BICD2: variants seen among roughly 807,000 people sequenced by gnomAD.
BICD2 encodes the protein protein bicaudal D homolog 2.
A neutral mutation model predicts 72.9 loss-of-function variants in BICD2; 25 were observed. The observed-to-expected ratio is 0.34, with a 90% CI of 0.25 to 0.48. The LOEUF is 0.48. Among genes scored for constraint, BICD2 ranks in the 20% least tolerant of loss-of-function variants. The probability of loss-of-function intolerance (pLI) is 0.99; values close to 1 mark genes in which losing one functional copy is unlikely to be tolerated. For synonymous variants in BICD2, 501 were observed against 516.1 expected, an observed-to-expected ratio of 0.97 and a Z score of 0.40; for missense variants, 894 against 1,175.2, an observed-to-expected ratio of 0.76 and a Z score of 3.50.
intron 1 of BICD2, among the ~76,000 whole-genome samples, chr9:92,759,997 C>T (rs189023400): frequency 1.2e-4 from 19 of 152,322 alleles, no homozygotes; most frequent in African/African-American, 4.6e-4. Context: ...GACACCACTC[C>T]CTGACCTTGG....
chr9:92,731,089 G>A (rs952067674), intron 1 of BICD2, among the ~76,000 whole-genome samples: 4 of 152,178 alleles, frequency 2.6e-5, no homozygotes, highest in African/African-American at 9.7e-5. Context: ...GTGGCAGCCA[G>A]GCCCCAAGTC....
At position 92,716,498 on chromosome 9, in the gene BICD2, G is replaced by A. The variant is rs1001780024; in HGVS notation, c.2259-1035C>T. Among the ~76,000 whole-genome samples the A allele has an allele frequency of 1.4e-3, 211 of 150,520 alleles. 2 individuals are homozygous for A. Among genetic ancestry groups the A allele is most frequent in the Non-Finnish European group, 3.7e-4 (25 of 67,628 alleles). The stretch of plus-strand genomic sequence containing the variant: ...GGATACTGAGAAACTGGGAGTGCAC[G>A]GCACCAGGCTTGAGAGAAGCAGGCC... On this transcript the variant is annotated intron_variant, in intron 6 of 6. Coordinates refer to ENST00000356884, the MANE Select transcript of BICD2 (RefSeq NM_001003800.2).
In BICD2 at chr9:92,720,500, C is replaced by T. The variant is rs1306070294; in HGVS notation, c.862G>A (p.Asp288Asn). Residue 288 changes from aspartate to asparagine, a missense_variant, in exon 4 of 7, where the codon GAT becomes AAT. By Grantham distance (23) the Asp-to-Asn change is conservative. Around this residue, in one of 5 missense-constraint regions of BICD2, gnomAD observed 371 missense variants for 439.1 expected, o/e 0.84. Transcript: ENST00000356884. The surrounding 1 kb of genome is among the most constrained non-coding windows in gnomAD (Gnocchi z 5.4). ...VSLDGLKFSD[D>N]AAEPNNDAEA... ...GCATCGTTGTTGGGCTCGGCAGCAT[C>T]GTCACTGAACTTGAGGCCATCCAGC... 1 of 1,614,194 alleles carries T rather than the reference C, an allele frequency of 6.2e-7. No homozygotes were observed. The highest frequency in any genetic ancestry group is 8.5e-7 in the Non-Finnish European group (1 of 1,180,038).
rs1360499481 is a variant in BICD2, at chr9:92,715,120, G to T, written c.*34C>A. 2.6e-6 allele frequency: 4 copies of T among 1,537,660 alleles called. No individual in the cohort carries two copies. Among genetic ancestry groups the T allele is most frequent in the Non-Finnish European group, 3.5e-6 (4 of 1,138,744 alleles). On this transcript the variant is annotated 3_prime_UTR_variant, in exon 7 of 7. Transcript: ENST00000356884. ...CTGCTGGGTTAGTTGAGGTGAAGCA[G>T]ATGTTAGCTGCAGCGTGCGGCGCCC...
At position 92,720,232 on chromosome 9, in the gene BICD2, G is replaced by A; in HGVS notation, c.1062+68C>T. ...TTAACATCAGCAGAGTGTCAGGTAA[G>A]CACTGCTCGGGGAGCCCTGCAGACC... On this transcript the variant is annotated intron_variant, in intron 4 of 6. Coordinates refer to ENST00000356884, the MANE Select transcript of BICD2 (RefSeq NM_001003800.2). This position sits in a 1 kb window ranked among gnomAD's most constrained non-coding sequence, Gnocchi z 5.4. The A allele has an allele frequency of 7.0e-7, 1 of 1,435,628 alleles. No homozygotes were observed. The highest frequency in any genetic ancestry group is 9.4e-7 in the Non-Finnish European group (1 of 1,061,502). 88.9% of individuals were successfully genotyped at this position (1,435,628 alleles called of 1,614,324 possible). A position where few individuals can be genotyped will look rare whatever the true frequency, so the allele number is the denominator to read the frequency against.
chr9:92,736,050 C>T (rs1440899841), intron 1 of BICD2, among the ~76,000 whole-genome samples: 2 of 152,198 alleles, frequency 1.3e-5, no homozygotes, highest in African/African-American at 4.8e-5. Context: ...TGAATAGGGA[C>T]TGGGTAAAAT....
rs1487353185 is a variant in BICD2 at position 92,764,417 on chromosome 9, A to G, written c.240+88T>C. On this transcript the variant is annotated intron_variant, in intron 1 of 6. Transcript: ENST00000356884. This position sits in a 1 kb window ranked among gnomAD's most constrained non-coding sequence, Gnocchi z 5.5. ...CACCCCTGCCGGCCCCCGCTTGGCA[A>G]GCTGACCTTGGCCGCCCTGGTGCCA... 1 of 1,365,070 alleles carries G rather than the reference A, an allele frequency of 7.3e-7. No homozygotes were observed. The highest frequency in any genetic ancestry group is 1.5e-5 in the African/African-American group (1 of 65,068). 84.6% of individuals were successfully genotyped at this position (1,365,070 alleles called of 1,614,324 possible). A position where few individuals can be genotyped will look rare whatever the true frequency, so the allele number is the denominator to read the frequency against.
intron 1 of BICD2, among the ~76,000 whole-genome samples, chr9:92,752,298 C>A (rs777310887): frequency 1.4e-4 from 21 of 150,646 alleles, no homozygotes; most frequent in Non-Finnish European, 2.8e-4. Context: ...GATAAGCCTG[C>A]AACATCTTGT....
chr9:92,718,432 G>C (rs1313197007), intron 5 of BICD2, 107 bp downstream of exon 5: 23 of 1,339,266 alleles, frequency 1.7e-5, no homozygotes, highest in Non-Finnish European at 2.3e-5. Flanking sequence ...GTCTGGTGGT[G>C]ACGCAGGCCT....
chr9:92,717,181 G>A (rs1304695394), intron 6 of BICD2, among the ~76,000 whole-genome samples: 1 of 152,206 alleles, frequency 6.6e-6, no homozygotes, highest in East Asian at 1.9e-4. Flanking sequence ...GTCACCTGTT[G>A]GCCCCAAGTT....
intron 1 of BICD2, among the ~76,000 whole-genome samples, chr9:92,755,445 T>A (rs1309621250): frequency 6.6e-6 from 1 of 152,112 alleles, no homozygotes; most frequent in Non-Finnish European, 1.5e-5. Flanking sequence ...GCACACTCCC[T>A]CCCCTTTTGA....
At chr9:92,751,713 T>G (rs1421836056) in intron 1 of BICD2, among the ~76,000 whole-genome samples, 1 of 152,140 alleles carries the variant, frequency 6.6e-6, no homozygotes, top group Non-Finnish European at 1.5e-5. Context: ...GGATTACAGT[T>G]CTTACATCAG....
rs1278545974 is a variant in BICD2 at position 92,719,383 on chromosome 9, T to G, written c.1262A>C (p.Asp421Ala). The G allele has an allele frequency of 6.2e-7, 1 of 1,614,054 alleles. No homozygotes were observed. The highest frequency in any genetic ancestry group is 1.3e-5 in the African/African-American group (1 of 74,934). The change falls in exon 5 of 7, where the codon GAT becomes GCT. Residue 421 changes from aspartate to alanine, a missense_variant. Around this residue, in one of 5 missense-constraint regions of BICD2, gnomAD observed 371 missense variants for 439.1 expected, o/e 0.84. Transcript: ENST00000356884. ...DNEKDRDSHE[D>A]GDYYEVDING... The stretch of plus-strand genomic sequence containing the variant: ...GATGTCCACCTCGTAGTAGTCCCCA[T>G]CCTCATGGCTGTCACGGTCCTTCTC...
At chr9:92,746,161 A>G (rs1046744998) in intron 1 of BICD2, among the ~76,000 whole-genome samples, 3 of 152,186 alleles carry the variant, frequency 2.0e-5, no homozygotes, top group African/African-American at 7.2e-5. Context: ...GAGTGAAAGG[A>G]CTGGCCCTCC....
intron 1 of BICD2, among the ~76,000 whole-genome samples, chr9:92,745,596 G>A (rs1853994191): frequency 6.6e-6 from 1 of 152,124 alleles, no homozygotes; most frequent in African/African-American, 2.4e-5. Context: ...GGACAACACA[G>A]CTGTTAACAG....
rs2131501874 is a variant in BICD2, at chr9:92,720,100, C to G, written c.1062+200G>C. Among the ~76,000 whole-genome samples, 1 of 152,370 alleles carries G rather than the reference C, an allele frequency of 6.6e-6. No individual in the cohort carries two copies. The highest frequency in any genetic ancestry group is 2.1e-4 in the South Asian group (1 of 4,834). ...AGTTAACAGGGGAGCAATGTGGGTG[C>G]TGCAGTGCCAGGAAACCACTTCTCT... is the stretch of plus-strand genomic sequence containing the variant. On this transcript the variant is annotated intron_variant, in intron 4 of 6. Coordinates refer to ENST00000356884, the MANE Select transcript of BICD2 (RefSeq NM_001003800.2). The surrounding 1 kb of genome is among the most constrained non-coding windows in gnomAD (Gnocchi z 5.4).
In BICD2 at chr9:92,718,824, G is replaced by C; in HGVS notation, c.1821C>G (p.Pro607=). The change falls in exon 5 of 7, where the codon CCC becomes CCG. Residue 607 remains proline (P), a synonymous_variant. Transcript: ENST00000356884. ...RADGGTGDSS[P]SPGSSLPSPL... ...GTGATGGCAGTGAGGAGCCAGGCGAGGGGCTGCTGTCCCCCGTCCCACCAT... is the reference window on the plus strand; with the variant it reads ...GTGATGGCAGTGAGGAGCCAGGCGACGGGCTGCTGTCCCCCGTCCCACCAT... 1 of 1,612,126 alleles carries C rather than the reference G, an allele frequency of 6.2e-7. No homozygotes were observed. Among genetic ancestry groups the C allele is most frequent in the Non-Finnish European group, 8.5e-7 (1 of 1,179,442 alleles).
At chr9:92,739,883 G>A (rs2131520531) in intron 1 of BICD2, among the ~76,000 whole-genome samples, 1 of 152,326 alleles carries the variant, frequency 6.6e-6, no homozygotes, top group South Asian at 2.1e-4. Context: ...GTCTGCATGT[G>A]CTGTTCAGGG....
chr9:92,754,614 C>T (rs537202381), intron 1 of BICD2, among the ~76,000 whole-genome samples: 10 of 152,300 alleles, frequency 6.6e-5, no homozygotes, highest in African/African-American at 2.2e-4. Context: ...ACAGAGAGAC[C>T]GGCTGAAGCC....
Sources: allele counts gnomAD v4.1 joint callset (sites outside exome capture counted in the v4.1 genomes callset), GRCh38; gene constraint gnomAD v4.1.1; regional missense constraint gnomAD v4.1.1; non-coding constraint Gnocchi (gnomAD v3.1); transcripts MANE v1.5; gene names NCBI Gene and HGNC (gene_info 2026-07-23, HGNC 2026-07-21).